DLC1: variants seen among roughly 807,000 people sequenced by gnomAD.
The protein encoded by DLC1 is rho GTPase-activating protein 7.
A neutral mutation model predicts 140.3 loss-of-function variants in DLC1; 54 were observed. The ratio of observed to expected loss-of-function variants is 0.38; its 90% CI spans 0.31 to 0.48. DLC1 has a LOEUF of 0.48. DLC1 is among the 20% of genes least tolerant of loss of function. DLC1 has a pLI of 0.96. For synonymous variants in DLC1, 986 were observed against 728.1 expected (o/e 1.35, Z -5.70); for missense variants, 2,536 against 1,907.0 (o/e 1.33, Z -6.14).
intron 4 of DLC1, among the ~76,000 whole-genome samples, chr8:13,312,360 C>CAAAAAAAAAAAAAAA (rs777597726): frequency 2.6e-3 from 17 of 6,634 alleles, no homozygotes; most frequent in East Asian, 0.02. Context: ...GACTCCGTCT[C>CAAAAAAAAAAAAAAA]AAAAAAAAAA....
chr8:13,370,943 C>G (rs548510180), intron 4 of DLC1, among the ~76,000 whole-genome samples: 2 of 152,306 alleles, frequency 1.3e-5, no homozygotes, highest in East Asian at 3.9e-4. Flanking sequence ...GCCAAGGGAA[C>G]TGCAGTGTTT....
intron 5 of DLC1, among the ~76,000 whole-genome samples, chr8:13,266,726 TAGAG>T (rs1440498921): frequency 6.6e-6 from 1 of 151,488 alleles, no homozygotes; most frequent in Non-Finnish European, 1.5e-5. Flanking sequence ...GCCTGGGCAA[TAGAG>T]AAAGACTTAG....
intron 1 of DLC1, among the ~76,000 whole-genome samples, chr8:13,597,453 G>A (rs912302300): frequency 6.6e-6 from 1 of 151,996 alleles, no homozygotes; most frequent in Non-Finnish European, 1.5e-5. Flanking sequence ...TAAAAAAATA[G>A]CCTGAAATAC....
chr8:13,109,094 T>C (rs1228199434), intron 7 of DLC1, among the ~76,000 whole-genome samples: 4 of 152,174 alleles, frequency 2.6e-5, no homozygotes, highest in Non-Finnish European at 4.4e-5. Flanking sequence ...CCATACACTA[T>C]GCTAAATATC....
intron 2 of DLC1, among the ~76,000 whole-genome samples, chr8:13,463,056 G>C (rs1799744756): frequency 6.7e-6 from 1 of 148,372 alleles, no homozygotes; most frequent in Non-Finnish European, 1.5e-5. Context: ...ATCCAACATA[G>C]CCTCTTACAT....
At chr8:13,443,025 TAA>T (rs1386153182) in intron 2 of DLC1, among the ~76,000 whole-genome samples, 1 of 151,880 alleles carries the variant, frequency 6.6e-6, no homozygotes, top group Admixed American at 6.6e-5. Context: ...TATGCAGCCA[TAA>T]AAAAGGATGA....
At chr8:13,492,443 G>C (rs967465161) in intron 2 of DLC1, among the ~76,000 whole-genome samples, 2 of 142,254 alleles carry the variant, frequency 1.4e-5, no homozygotes, top group Non-Finnish European at 3.1e-5. Flanking sequence ...AATGACCAGT[G>C]CTATTTTTGG....
intron 1 of DLC1, among the ~76,000 whole-genome samples, chr8:13,588,001 T>C (rs1451456489): frequency 6.6e-6 from 1 of 152,054 alleles, no homozygotes; most frequent in East Asian, 1.9e-4. Context: ...AATTCCAAAG[T>C]CATTGACCTT....
At chr8:13,233,179 T>G (rs1260516227) in intron 5 of DLC1, among the ~76,000 whole-genome samples, 1 of 151,284 alleles carries the variant, frequency 6.6e-6, no homozygotes. Context: ...CCTGTGATCC[T>G]AGCTACTCAA....
chr8:13,152,172 A>G (rs1330739425), intron 5 of DLC1, among the ~76,000 whole-genome samples: 1 of 152,168 alleles, frequency 6.6e-6, no homozygotes. Context: ...TTCTTTAGAC[A>G]AAGTCCAGAG....
chr8:13,242,366 A>T (rs773317978), intron 5 of DLC1, among the ~76,000 whole-genome samples: 3 of 151,480 alleles, frequency 2.0e-5, no homozygotes, highest in Non-Finnish European at 4.4e-5. Context: ...ATCAAAGGAA[A>T]AGAAAAAAGA....
At chr8:13,179,481 G>C (rs918438935) in intron 5 of DLC1, among the ~76,000 whole-genome samples, 1 of 152,216 alleles carries the variant, frequency 6.6e-6, no homozygotes, top group East Asian at 1.9e-4. Flanking sequence ...AGCACTTTAG[G>C]AGTCTGAGGC....
chr8:13,428,431 A>G (rs1838699954), intron 2 of DLC1, among the ~76,000 whole-genome samples: 3 of 152,178 alleles, frequency 2.0e-5, no homozygotes, highest in African/African-American at 4.8e-5. Flanking sequence ...TAACTTTTAT[A>G]AGTTTTTACT....
chr8:13,293,219 G>A (rs911313675), intron 5 of DLC1, among the ~76,000 whole-genome samples: 3 of 152,132 alleles, frequency 2.0e-5, no homozygotes, highest in Non-Finnish European at 2.9e-5. Flanking sequence ...AACAGAGCGT[G>A]AACCTGTCTC....
intron 5 of DLC1, among the ~76,000 whole-genome samples, chr8:13,125,641 T>C (rs946983298): frequency 6.6e-6 from 1 of 152,200 alleles, no homozygotes; most frequent in Non-Finnish European, 1.5e-5. Flanking sequence ...CCTTCTTGCC[T>C]ATTTCAACAG....
intron 1 of DLC1, among the ~76,000 whole-genome samples, chr8:13,562,135 A>G (rs1222146686): frequency 6.6e-6 from 1 of 152,144 alleles, no homozygotes; most frequent in Admixed American, 6.5e-5. Flanking sequence ...CACTAAAAGA[A>G]GTAATCGGGT....
chr8:13,313,333 C>T (rs1832753865), intron 4 of DLC1, among the ~76,000 whole-genome samples: 1 of 152,172 alleles, frequency 6.6e-6, no homozygotes. Context: ...TGAAGGCATG[C>T]TGTGAAAAGA....
rs191979419 is a variant in DLC1 at position 13,333,290 on chromosome 8, A to G, written c.1315-27988T>C. On this transcript the variant is annotated intron_variant, in intron 4 of 17. Coordinates refer to ENST00000276297, the MANE Select transcript of DLC1 (RefSeq NM_182643.3). ...GCCCAGGCTGGAGTGCAGTGGCACA[A>G]TCATAGCTCACTGCAGCTTGGAACA... Among the ~76,000 whole-genome samples, 174 of 152,330 alleles carry G rather than the reference A, an allele frequency of 1.1e-3. 1 individual carries two copies. The highest frequency in any genetic ancestry group is 2.9e-3 in the Admixed American group (45 of 15,312).
chr8:13,283,895 T>C (rs1831452995), intron 5 of DLC1, among the ~76,000 whole-genome samples: 1 of 152,134 alleles, frequency 6.6e-6, no homozygotes, highest in South Asian at 2.1e-4. Flanking sequence ...TCAAAGAAGA[T>C]GGAGCAGAAC....
Sources: allele counts gnomAD v4.1 joint callset (sites outside exome capture counted in the v4.1 genomes callset), GRCh38; gene constraint gnomAD v4.1.1; transcripts MANE v1.5; gene names NCBI Gene and HGNC (gene_info 2026-07-23, HGNC 2026-07-21).